Variants in CLIC5 observed in about 807,000 individuals in gnomAD.
CLIC5 encodes the protein CLIC family member 5.
In CLIC5, 20 loss-of-function variants were observed where a neutral mutation model predicts 24.7. The ratio of observed to expected loss-of-function variants is 0.81; its 90% CI spans 0.57 to 1.18. CLIC5 has a LOEUF of 1.18. Among genes scored for constraint, CLIC5 ranks in the 50% most tolerant of loss-of-function variants. CLIC5 has a pLI of 0.00. For missense variants in CLIC5, 341 were observed against 326.1 expected (o/e 1.05, Z -0.35); for synonymous variants, 159 against 135.6 (o/e 1.17, Z -1.20).
intron 1 of CLIC5, among the ~76,000 whole-genome samples, chr6:46,068,689 G>C (rs945372583): frequency 1.3e-5 from 2 of 152,008 alleles, no homozygotes; most frequent in African/African-American, 4.8e-5. Flanking sequence ...AGGTCATTAG[G>C]GTGAGCCCTA....
chr6:45,893,614 T>A (rs962400299), downstream of CLIC5, among the ~76,000 whole-genome samples: 1 of 152,194 alleles, frequency 6.6e-6, no homozygotes, highest in African/African-American at 2.4e-5. Context: ...AATGGCAGCC[T>A]GATTGATCTT....
Position 45,955,250 on chromosome 6 carries a change from A to G in CLIC5, c.64-6T>C. 6.2e-7 allele frequency: 1 copy of G among 1,611,136 alleles called. No individual in the cohort carries two copies. On this transcript the variant is annotated splice_polypyrimidine_tract_variant and splice_region_variant and intron_variant, in intron 1 of 5. Transcript: ENST00000339561. ...CTTTCTCCATCGATTCCAGCCTGGA[A>G]AGAAGAGAACCAGTGTCCTGAGTGG...
chr6:46,087,504 T>TA, the CLIC5 span, among the ~76,000 whole-genome samples: 1 of 152,074 alleles, frequency 6.6e-6, no homozygotes, highest in Non-Finnish European at 1.5e-5. Flanking sequence ...ACTGTCATCT[T>TA]ACTTAGGTTG....
the CLIC5 span, chr6:46,129,568 C>T: frequency 8.5e-5 from 13 of 152,218 alleles, no homozygotes; most frequent in African/African-American, 2.9e-4. Context: ...GGTAGATCCA[C>T]GTTTCATTTA....
intron 1 of CLIC5, among the ~76,000 whole-genome samples, chr6:45,961,539 A>G (rs960793564): frequency 1.3e-5 from 2 of 152,262 alleles, no homozygotes; most frequent in Non-Finnish European, 2.9e-5. Flanking sequence ...TTCTTTAAAC[A>G]TAATAGCTCA....
Position 45,914,377 on chromosome 6 carries a change from T to C in CLIC5, c.439A>G (p.Lys147Glu). The change falls in exon 5 of 6, where the codon AAA (lysine) becomes GAA (glutamate). Residue 147 changes from lysine (K) to glutamate (E), a missense_variant. Transcript: ENST00000339561. Reference sequence around the variant, plus strand: ...GGGGTGTTCAGGTAGTCATCCAATTTCTTTAGAGCCTTGGTTAGGCCTCTT... The same window carrying C: ...GGGGTGTTCAGGTAGTCATCCAATTCCTTTAGAGCCTTGGTTAGGCCTCTT... ...LERGLTKALK[K>E]LDDYLNTPLP... The C allele has an allele frequency of 1.3e-6, 2 of 1,588,902 alleles. No homozygotes were observed. Among genetic ancestry groups the C allele is most frequent in the South Asian group, 2.3e-5 (2 of 88,530 alleles).
chr6:45,988,229 A>G (rs1765808469), intron 1 of CLIC5, among the ~76,000 whole-genome samples: 1 of 152,200 alleles, frequency 6.6e-6, no homozygotes, highest in African/African-American at 2.4e-5. Context: ...GAGAGGGGTG[A>G]TGGGTCCCAA....
chr6:45,916,783 T>G (rs190296490), intron 4 of CLIC5, among the ~76,000 whole-genome samples: 309 of 152,330 alleles, frequency 2.0e-3, no homozygotes, highest in African/African-American at 7.2e-3. Context: ...GGAATCATTG[T>G]TGATTCATGT....
chr6:45,910,277 C>T (rs773954294), intron 5 of CLIC5, among the ~76,000 whole-genome samples: 2 of 152,134 alleles, frequency 1.3e-5, no homozygotes, highest in Non-Finnish European at 2.9e-5. Flanking sequence ...GTTCCAGGGA[C>T]TGCTTTAAGT....
At chr6:45,935,979 T>TC (rs1290906182) in intron 4 of CLIC5, among the ~76,000 whole-genome samples, 3 of 152,094 alleles carry the variant, frequency 2.0e-5, no homozygotes, top group Non-Finnish European at 4.4e-5. Flanking sequence ...CTTTATGCCC[T>TC]CCCCACTACC....
chr6:46,110,909 A>T, the CLIC5 span, among the ~76,000 whole-genome samples: 4 of 152,234 alleles, frequency 2.6e-5, no homozygotes, highest in African/African-American at 9.6e-5. Flanking sequence ...AAATACAATA[A>T]AACTAAAACT....
chr6:46,014,811 C>T (rs910960561), intron 1 of CLIC5: 1 of 152,242 alleles, frequency 6.6e-6, no homozygotes, highest in Non-Finnish European at 1.5e-5. Context: ...GCTCCTTCAT[C>T]CCTGTCTGCA....
intron 1 of CLIC5, among the ~76,000 whole-genome samples, chr6:46,063,305 C>A (rs925389406): frequency 6.6e-6 from 1 of 152,158 alleles, no homozygotes; most frequent in African/African-American, 2.4e-5. Flanking sequence ...TCAATTGCAA[C>A]AACCTCCACT....
At chr6:46,121,536 TA>T in the CLIC5 span, among the ~76,000 whole-genome samples, 2 of 152,084 alleles carry the variant, frequency 1.3e-5, no homozygotes, top group Admixed American at 6.5e-5. Flanking sequence ...ACGAGCAAAA[TA>T]ACCAGCTAAC....
At chr6:46,111,789 G>C in the CLIC5 span, among the ~76,000 whole-genome samples, 5 of 152,176 alleles carry the variant, frequency 3.3e-5, no homozygotes, top group African/African-American at 4.8e-5. Context: ...TGTCATGAGA[G>C]GGACCTGGTG....
chr6:45,984,756 C>A (rs1303802663), intron 1 of CLIC5, among the ~76,000 whole-genome samples: 2 of 152,148 alleles, frequency 1.3e-5, no homozygotes, highest in Admixed American at 6.5e-5. Context: ...TTGTTTACAG[C>A]CATCCATTCA....
intron 5 of CLIC5, 44 bp downstream of exon 5, chr6:45,914,184 A>G: frequency 2.1e-6 from 3 of 1,452,396 alleles, no homozygotes; most frequent in Non-Finnish European, 2.8e-6. Context: ...TGGGCCTAAG[A>G]TGGAGCTGGA....
At chr6:45,908,364 A>T (rs759375593) in intron 5 of CLIC5, among the ~76,000 whole-genome samples, 1 of 152,076 alleles carries the variant, frequency 6.6e-6, no homozygotes, top group Admixed American at 6.5e-5. Context: ...GTGTGATGTT[A>T]CTTTGTCAAT....
At chr6:45,909,523 CTT>C (rs959043143) in intron 5 of CLIC5, among the ~76,000 whole-genome samples, 1 of 152,050 alleles carries the variant, frequency 6.6e-6, no homozygotes, top group Non-Finnish European at 1.5e-5. Context: ...TTTATTTCTC[CTT>C]TGTTTACAAA....
Sources: gnomAD v4.1 joint callset for allele counts (sites outside exome capture counted in the v4.1 genomes callset) on GRCh38, gnomAD v4.1.1 for gene constraint, MANE v1.5 for transcripts, NCBI Gene and HGNC (gene_info 2026-07-23, HGNC 2026-07-21) for gene names.